GABRG3: variants seen among roughly 807,000 people sequenced by gnomAD.
GABRG3 encodes gamma-aminobutyric acid type A receptor subunit gamma3, also known as gamma-aminobutyric acid receptor subunit gamma-3.
GABRG3 carries 25 observed loss-of-function variants against 48.8 expected under a neutral mutation model. That is an observed-to-expected ratio of 0.51 (90% CI 0.37 to 0.72). The LOEUF (loss-of-function observed/expected upper bound fraction) is 0.72. GABRG3 is among the 30% of genes least tolerant of loss of function. The pLI, the probability that GABRG3 is intolerant of heterozygous loss-of-function variation, is 0.00. For synonymous variants in GABRG3, 227 were observed against 217.6 expected, an observed-to-expected ratio of 1.04 and a Z score of -0.38; for missense variants, 394 against 577.9, an observed-to-expected ratio of 0.68 and a Z score of 3.26.
intron 3 of GABRG3, among the ~76,000 whole-genome samples, chr15:27,201,108 G>A (rs1419889797): frequency 2.0e-5 from 3 of 152,044 alleles, no homozygotes; most frequent in Non-Finnish European, 4.4e-5. Flanking sequence ...CTTGGATAAT[G>A]GTGTCTGCTT....
intron 5 of GABRG3, among the ~76,000 whole-genome samples, chr15:27,426,396 G>C (rs923071282): frequency 6.6e-6 from 1 of 152,198 alleles, no homozygotes; most frequent in Non-Finnish European, 1.5e-5. Context: ...CAGAAGCCTG[G>C]TGTCCAAGCT....
intron 5 of GABRG3, among the ~76,000 whole-genome samples, chr15:27,460,675 G>C (rs1399382791): frequency 6.6e-6 from 1 of 152,132 alleles, no homozygotes; most frequent in Non-Finnish European, 1.5e-5. Context: ...ATTTGTGATC[G>C]GCTAAGGAAG....
intron 3 of GABRG3, among the ~76,000 whole-genome samples, chr15:27,249,633 C>T (rs759334118): frequency 2.6e-4 from 40 of 152,112 alleles, no homozygotes; most frequent in Admixed American, 8.5e-4. Context: ...CCCTGAGCCC[C>T]TCAACAGTGT....
intron 3 of GABRG3, among the ~76,000 whole-genome samples, chr15:27,270,026 T>G (rs1891032507): frequency 1.3e-5 from 2 of 152,200 alleles, no homozygotes; most frequent in African/African-American, 4.8e-5. Flanking sequence ...GAGAAGTGAT[T>G]CCCTTTCTAC....
intron 3 of GABRG3, among the ~76,000 whole-genome samples, chr15:27,189,021 A>G (rs963418191): frequency 6.6e-6 from 1 of 152,138 alleles, no homozygotes; most frequent in Admixed American, 6.6e-5. Flanking sequence ...CAGGTTTGTC[A>G]AAGATCAGAT....
chr15:27,333,742 G>T (rs1171625925), intron 5 of GABRG3, among the ~76,000 whole-genome samples: 1 of 152,226 alleles, frequency 6.6e-6, no homozygotes, highest in East Asian at 1.9e-4. Flanking sequence ...CTGCCTGGTC[G>T]ATATGCCACT....
chr15:27,259,752 C>A (rs555737990), intron 3 of GABRG3, among the ~76,000 whole-genome samples: 38 of 152,092 alleles, frequency 2.5e-4, no homozygotes, highest in Non-Finnish European at 5.1e-4. Flanking sequence ...TATTAAATGG[C>A]ACTTCATTTA....
chr15:27,274,172 A>G (rs1891178356), intron 3 of GABRG3, among the ~76,000 whole-genome samples: 1 of 152,206 alleles, frequency 6.6e-6, no homozygotes, highest in Non-Finnish European at 1.5e-5. Context: ...AGGACAGAGT[A>G]GTGACTGGAA....
chr15:27,270,332 C>T (rs1180841190), intron 3 of GABRG3, among the ~76,000 whole-genome samples: 1 of 152,004 alleles, frequency 6.6e-6, no homozygotes, highest in Non-Finnish European at 1.5e-5. Flanking sequence ...AAAATACGAA[C>T]GTTGGTGTTG....
chr15:27,294,405 C>A (rs1434997957), intron 3 of GABRG3, among the ~76,000 whole-genome samples: 1 of 151,858 alleles, frequency 6.6e-6, no homozygotes, highest in African/African-American at 2.4e-5. Context: ...TTGGGTGAGA[C>A]AGCATTTAGC....
intron 3 of GABRG3, among the ~76,000 whole-genome samples, chr15:27,059,843 G>A (rs771511950): frequency 9.2e-5 from 14 of 152,146 alleles, no homozygotes; most frequent in African/African-American, 1.2e-4. Flanking sequence ...CAATCACCAG[G>A]GAGCTGGGAG....
intron 5 of GABRG3, among the ~76,000 whole-genome samples, chr15:27,351,347 T>A (rs180826989): frequency 0.035 from 5,274 of 149,216 alleles, 217 homozygotes; most frequent in African/African-American, 0.089. Flanking sequence ...ATGGTATATG[T>A]GTGTATGTGT....
intron 3 of GABRG3, among the ~76,000 whole-genome samples, chr15:27,188,497 A>G (rs1050062680): frequency 2.0e-5 from 3 of 151,676 alleles, no homozygotes; most frequent in African/African-American, 4.8e-5. Flanking sequence ...GCATTTTTTC[A>G]TGTGTTTTTT....
At chr15:27,292,663 C>G (rs1891834754) in intron 3 of GABRG3, among the ~76,000 whole-genome samples, 1 of 151,862 alleles carries the variant, frequency 6.6e-6, no homozygotes, top group South Asian at 2.1e-4. Flanking sequence ...TAGCATAAAA[C>G]AAAACAAAAC....
intron 3 of GABRG3, among the ~76,000 whole-genome samples, chr15:27,069,964 C>T (rs181389559): frequency 5.3e-5 from 8 of 152,308 alleles, no homozygotes; most frequent in East Asian, 1.9e-4. Flanking sequence ...GTAATTCTAT[C>T]GTTTCCATTG....
chr15:27,470,573 T>A (rs1292212957), intron 5 of GABRG3, among the ~76,000 whole-genome samples: 1 of 151,974 alleles, frequency 6.6e-6, no homozygotes, highest in Non-Finnish European at 1.5e-5. Context: ...TTTCTTCCTT[T>A]GTTAACTGTT....
At chr15:27,337,845 C>T (rs181675899) in intron 5 of GABRG3, among the ~76,000 whole-genome samples, 4 of 152,304 alleles carry the variant, frequency 2.6e-5, no homozygotes, top group East Asian at 1.9e-4. Flanking sequence ...AAATCTCTCA[C>T]ACACACAAAT....
chr15:27,396,618 T>C (rs190993287), intron 5 of GABRG3, among the ~76,000 whole-genome samples: 23 of 152,330 alleles, frequency 1.5e-4, no homozygotes, highest in African/African-American at 5.5e-4. Context: ...ACACCTACCG[T>C]ATTATCAGCA....
intron 3 of GABRG3, among the ~76,000 whole-genome samples, chr15:27,259,125 T>C (rs917452615): frequency 2.6e-5 from 4 of 152,224 alleles, no homozygotes; most frequent in African/African-American, 9.6e-5. Flanking sequence ...CCACATTTTC[T>C]TTATTCGTCT....
Sources: allele counts gnomAD v4.1 joint callset (sites outside exome capture counted in the v4.1 genomes callset), GRCh38; gene constraint gnomAD v4.1.1; transcripts MANE v1.5; gene names NCBI Gene and HGNC (gene_info 2026-07-23, HGNC 2026-07-21).